The following SHISAL1 variants were observed in gnomAD, a reference collection of about 807,000 sequenced individuals.
SHISAL1 encodes the protein protein shisa-like-1.
Under a neutral mutation model 22.6 loss-of-function variants are expected in SHISAL1, and 9 were observed. The observed-to-expected ratio is 0.40, with a 90% CI of 0.24 to 0.70. The LOEUF is 0.70. SHISAL1 is among the 30% of genes least tolerant of loss of function. SHISAL1 has a pLI of 0.39. For synonymous variants in SHISAL1, 119 were observed against 115.4 expected, an observed-to-expected ratio of 1.03 and a Z score of -0.20; for missense variants, 246 against 270.6, an observed-to-expected ratio of 0.91 and a Z score of 0.64.
chr22:44,278,494 C>T (rs2055254910), intron 4 of SHISAL1, among the ~76,000 whole-genome samples: 1 of 152,238 alleles, frequency 6.6e-6, no homozygotes, highest in South Asian at 2.1e-4. Flanking sequence ...GAAACTGCGA[C>T]TGTCCCTTGG....
the SHISAL1 span, among the ~76,000 whole-genome samples, chr22:44,318,368 GTATT>G: frequency 6.6e-6 from 1 of 152,274 alleles, no homozygotes; most frequent in Non-Finnish European, 1.5e-5. Flanking sequence ...ACATCAAAAA[GTATT>G]TATGAAAGTG....
intron 1 of SHISAL1, among the ~76,000 whole-genome samples, chr22:44,302,414 T>TAAAAA (rs35536153): frequency 6.7e-6 from 1 of 148,494 alleles, no homozygotes; most frequent in African/African-American, 2.5e-5. Context: ...TTTGCCACAA[T>TAAAAA]AAAAAAAAAT....
In SHISAL1 at chr22:44,310,042, C is replaced by T. The variant is rs2055507267; in HGVS notation, c.-33+2709G>A. On this transcript the variant is annotated intron_variant, in intron 1 of 4. Transcript: ENST00000381176. This position sits in a 1 kb window ranked among gnomAD's most constrained non-coding sequence, Gnocchi z 4.0. ...GCTGGAGAAGGACAGAGAAGCAGCC[C>T]GTTCGCCTGCAGCTGGGGTGCCGGG... 6.6e-6 allele frequency among the ~76,000 whole-genome samples: 1 copy of T among 152,146 alleles called. No homozygotes were observed. The highest frequency in any genetic ancestry group is 2.4e-5 in the African/African-American group (1 of 41,436).
Position 44,310,262 on chromosome 22 carries a change from A to T in SHISAL1, c.-33+2489T>A, listed in dbSNP as rs760463933. On this transcript the variant is annotated intron_variant, in intron 1 of 4. Coordinates refer to ENST00000381176, the MANE Select transcript of SHISAL1 (RefSeq NM_001099294.2). This position sits in a 1 kb window ranked among gnomAD's most constrained non-coding sequence, Gnocchi z 4.0. ...GACACGTAGTAGGCACTTTATAAAC[A>T]TGTGTTAATTGGTTGAATGAACATA... 6.6e-6 allele frequency among the ~76,000 whole-genome samples: 1 copy of T among 152,228 alleles called. No individual in the cohort carries two copies. The highest frequency in any genetic ancestry group is 1.5e-5 in the Non-Finnish European group (1 of 68,036).
intron 1 of SHISAL1, among the ~76,000 whole-genome samples, chr22:44,308,210 G>A (rs2055492842): frequency 6.6e-6 from 1 of 152,236 alleles, no homozygotes. Flanking sequence ...TAAAGGAAGT[G>A]AGGCATGGAA....
At chr22:44,287,941 G>A (rs1295828129) in intron 3 of SHISAL1, among the ~76,000 whole-genome samples, 4 of 152,154 alleles carry the variant, frequency 2.6e-5, no homozygotes, top group East Asian at 1.9e-4. Flanking sequence ...GGGAGGAGAC[G>A]GGGAAAGGGG....
upstream of SHISAL1, among the ~76,000 whole-genome samples, chr22:44,315,849 C>T (rs551138199): frequency 1.3e-5 from 2 of 152,264 alleles, no homozygotes; most frequent in Non-Finnish European, 2.9e-5. Flanking sequence ...TTGCTGCCTC[C>T]TTCATAGGCT....
At chr22:44,327,974 G>C in the SHISAL1 span, among the ~76,000 whole-genome samples, 1 of 152,044 alleles carries the variant, frequency 6.6e-6, no homozygotes, top group South Asian at 2.1e-4. Flanking sequence ...GGGGGCGCTG[G>C]GGAAGGGGCT....
Position 44,243,689 on chromosome 22 carries a change from C to T in SHISAL1, c.*5996G>A, listed in dbSNP as rs948989141. The T allele has an allele frequency of 1.3e-5, 2 of 152,186 alleles. No individual in the cohort carries two copies. Among genetic ancestry groups the T allele is most frequent in the African/African-American group, 4.8e-5 (2 of 41,434 alleles). 9.4% of individuals were successfully genotyped at this position (152,186 alleles called of 1,614,324 possible). A position where few individuals can be genotyped will look rare whatever the true frequency, so the allele number is the denominator to read the frequency against. ...CTAGGGAACAGTTGACATGACACTC[C>T]TTTATTAAAACCTAGGGACATTGTT... On this transcript the variant is annotated 3_prime_UTR_variant, in exon 5 of 5. Coordinates refer to ENST00000381176, the MANE Select transcript of SHISAL1 (RefSeq NM_001099294.2).
intron 4 of SHISAL1, among the ~76,000 whole-genome samples, chr22:44,266,733 C>A (rs188748463): frequency 6.6e-6 from 1 of 151,984 alleles, no homozygotes; most frequent in Non-Finnish European, 1.5e-5. Context: ...ACGCCACTGG[C>A]GAGGTGGTGC....
At chr22:44,264,849 C>T (rs1340302123) in intron 4 of SHISAL1, among the ~76,000 whole-genome samples, 1 of 151,802 alleles carries the variant, frequency 6.6e-6, no homozygotes, top group Admixed American at 6.6e-5. Flanking sequence ...ACACCAGAGG[C>T]CCCAGCAATT....
At chr22:44,313,936 G>A (rs1022815458), upstream of SHISAL1, among the ~76,000 whole-genome samples, 1 of 152,176 alleles carries the variant, frequency 6.6e-6, no homozygotes, top group Non-Finnish European at 1.5e-5. Context: ...TCCCAACAAT[G>A]GCAGCCCAGA....
In SHISAL1 at chr22:44,244,473, T is replaced by G. The variant is rs1359397345; in HGVS notation, c.*5212A>C. 1 of 152,190 alleles carries G rather than the reference T, an allele frequency of 6.6e-6. No individual in the cohort carries two copies. Among genetic ancestry groups the G allele is most frequent in the African/African-American group, 2.4e-5 (1 of 41,438 alleles). 9.4% of individuals were successfully genotyped at this position (152,190 alleles called of 1,614,324 possible). Reference sequence around the variant, plus strand: ...TGTCAAGGGCAAATCTGTCAGGGCTTTGATGTAAAGATAGGAGTTTTAGGT... The same window carrying G: ...TGTCAAGGGCAAATCTGTCAGGGCTGTGATGTAAAGATAGGAGTTTTAGGT... On this transcript the variant is annotated 3_prime_UTR_variant, in exon 5 of 5. Transcript: ENST00000381176.
intron 4 of SHISAL1, among the ~76,000 whole-genome samples, chr22:44,266,525 G>GGTGTGTGTGTGTGTGTGTGT (rs386395566): frequency 4.4e-5 from 2 of 45,650 alleles, no homozygotes; most frequent in Non-Finnish European, 1.1e-4. Flanking sequence ...GGGGCTTTGG[G>GGTGTGTGTGTGTGTGTGTGT]GTATGTGTGT....
At chr22:44,303,425 G>T (rs1380817236) in intron 1 of SHISAL1, among the ~76,000 whole-genome samples, 2 of 152,102 alleles carry the variant, frequency 1.3e-5, no homozygotes, top group African/African-American at 4.8e-5. Context: ...TATAAAAAGG[G>T]ACAATTTGGA....
At chr22:44,283,900 C>T (rs775775380) in intron 4 of SHISAL1, among the ~76,000 whole-genome samples, 6 of 152,084 alleles carry the variant, frequency 3.9e-5, no homozygotes, top group African/African-American at 1.2e-4. Flanking sequence ...CATTTCAGAA[C>T]ACCCCACTCT....
At chr22:44,249,766 A>G (rs1432232128) in intron 4 of SHISAL1, 81 bp from the exon 5 acceptor site, 6 of 768,888 alleles carry the variant, frequency 7.8e-6, no homozygotes, top group Non-Finnish European at 4.8e-6. Flanking sequence ...GTGCCGGAAG[A>G]AGCCAGGTTT....
At chr22:44,324,594 T>C in the SHISAL1 span, among the ~76,000 whole-genome samples, 1 of 152,268 alleles carries the variant, frequency 6.6e-6, no homozygotes, top group South Asian at 2.1e-4. Context: ...TTATTTTATC[T>C]GGTCTCACAA....
At chr22:44,249,812 C>G in intron 4 of SHISAL1, 127 bp from the exon 5 acceptor site, 1 of 694,154 alleles carries the variant, frequency 1.4e-6, no homozygotes, top group Non-Finnish European at 2.7e-6. Flanking sequence ...CTGAACATTG[C>G]GAACCATGTG....
Sources: gnomAD v4.1 joint callset for allele counts (sites outside exome capture counted in the v4.1 genomes callset) on GRCh38, gnomAD v4.1.1 for gene constraint, Gnocchi (gnomAD v3.1) non-coding constraint, MANE v1.5 for transcripts, NCBI Gene and HGNC (gene_info 2026-07-23, HGNC 2026-07-21) for gene names.